Variants in LDLRAD4 observed in about 807,000 individuals in gnomAD.
LDLRAD4 encodes low-density lipoprotein receptor class A domain-containing protein 4.
In LDLRAD4, 5 loss-of-function variants were observed where a neutral mutation model predicts 17.0. That is an observed-to-expected ratio of 0.29 (90% confidence interval 0.15 to 0.62). The LOEUF (loss-of-function observed/expected upper bound fraction) is 0.62. LDLRAD4 is among the 20% of genes least tolerant of loss of function. The pLI is 0.84. For missense variants in LDLRAD4, 340 were observed against 424.7 expected (o/e 0.80, Z 1.75); for synonymous variants, 168 against 171.8 (o/e 0.98, Z 0.17).
intron 1 of LDLRAD4, among the ~76,000 whole-genome samples, chr18:13,242,998 G>A (rs368427968): frequency 1.6e-4 from 24 of 152,302 alleles, no homozygotes; most frequent in East Asian, 3.9e-4. Context: ...TGCGCCTGGC[G>A]CCTGCTCTGC....
intron 3 of LDLRAD4, among the ~76,000 whole-genome samples, chr18:13,444,444 A>G (rs2091247964): frequency 6.6e-6 from 1 of 152,242 alleles, no homozygotes; most frequent in Non-Finnish European, 1.5e-5. Flanking sequence ...TATGACATAC[A>G]AAATGTGTGT....
At chr18:13,579,007 G>A (rs6505829) in intron 3 of LDLRAD4, among the ~76,000 whole-genome samples, 61,491 of 150,744 alleles carry the variant, frequency 0.41, 12,697 homozygotes, top group South Asian at 0.46. Context: ...TGACTAACAC[G>A]GTGAAACCCC....
At chr18:13,369,526 G>T (rs191866127) in intron 1 of LDLRAD4, among the ~76,000 whole-genome samples, 35 of 152,236 alleles carry the variant, frequency 2.3e-4, no homozygotes, top group African/African-American at 7.9e-4. Context: ...TCCAGTTGGG[G>T]TGGAGGGAGA....
At chr18:13,247,486 C>G (rs1165589480) in intron 1 of LDLRAD4, among the ~76,000 whole-genome samples, 1 of 152,158 alleles carries the variant, frequency 6.6e-6, no homozygotes, top group Non-Finnish European at 1.5e-5. Context: ...CTAACCACTG[C>G]TTTTTATTCT....
intron 4 of LDLRAD4, among the ~76,000 whole-genome samples, chr18:13,634,632 T>C (rs1483713526): frequency 6.6e-6 from 1 of 152,210 alleles, no homozygotes; most frequent in African/African-American, 2.4e-5. Context: ...TTTTAAGATG[T>C]TAGTACTACT....
intron 1 of LDLRAD4, among the ~76,000 whole-genome samples, chr18:13,340,168 A>G (rs1450422887): frequency 1.3e-5 from 2 of 152,190 alleles, no homozygotes; most frequent in Non-Finnish European, 2.9e-5. Flanking sequence ...CCCTTCATCC[A>G]TTGATGAACA....
intron 2 of LDLRAD4, among the ~76,000 whole-genome samples, chr18:13,413,318 T>C (rs527252557): frequency 1.3e-5 from 2 of 152,254 alleles, no homozygotes; most frequent in Non-Finnish European, 2.9e-5. Context: ...CTCACTGACA[T>C]GTAATTGGTC....
At chr18:13,358,569 T>C (rs775203640) in intron 1 of LDLRAD4, among the ~76,000 whole-genome samples, 7 of 152,182 alleles carry the variant, frequency 4.6e-5, no homozygotes, top group Non-Finnish European at 8.8e-5. Flanking sequence ...AAATTTATCC[T>C]ATTTATCCCT....
At chr18:13,637,241 G>C (rs1298886165) in intron 4 of LDLRAD4, among the ~76,000 whole-genome samples, 1 of 152,080 alleles carries the variant, frequency 6.6e-6, no homozygotes, top group African/African-American at 2.4e-5. Context: ...GACTGCCTCG[G>C]TGGGAAGCTG....
At chr18:13,647,915 C>T (rs1288650251) in exon 6 of LDLRAD4, 3 of 152,242 alleles carry the variant, frequency 2.0e-5, no homozygotes, top group Non-Finnish European at 2.9e-5. Flanking sequence ...GGACCCTCCC[C>T]AACCCTGGAG....
chr18:13,352,604 G>C (rs1022903604), intron 1 of LDLRAD4, among the ~76,000 whole-genome samples: 5 of 151,888 alleles, frequency 3.3e-5, no homozygotes, highest in African/African-American at 1.2e-4. Flanking sequence ...TAAATTTCTC[G>C]GATTTGTCAA....
intron 3 of LDLRAD4, among the ~76,000 whole-genome samples, chr18:13,449,002 C>T (rs988378067): frequency 1.2e-4 from 19 of 152,146 alleles, no homozygotes. Context: ...TTTTTTCACT[C>T]CTTCATCCAT....
chr18:13,229,920 A>G lies in LDLRAD4; in HGVS notation c.-467+10932A>G, dbSNP rs752374791. ...TGTCTCCTGGCTTCCTGAGGGCTCA[A>G]TGTACTTTGGTCAATCAAGGGAGAC... On this transcript the variant is annotated intron_variant, in intron 1 of 5. Transcript: ENST00000399848. Among the ~76,000 whole-genome samples the G allele has an allele frequency of 9.9e-4, 151 of 152,334 alleles. 1 individual carries two copies. Among genetic ancestry groups the G allele is most frequent in the Non-Finnish European group, 7.6e-4 (52 of 68,030 alleles).
At chr18:13,492,399 G>C (rs537799940) in intron 3 of LDLRAD4, among the ~76,000 whole-genome samples, 1 of 152,358 alleles carries the variant, frequency 6.6e-6, no homozygotes, top group South Asian at 2.1e-4. Flanking sequence ...TAATCCGGTG[G>C]AGTGGCTGCA....
chr18:13,288,300 C>G (rs1485725909), intron 1 of LDLRAD4, among the ~76,000 whole-genome samples: 2 of 152,202 alleles, frequency 1.3e-5, no homozygotes, highest in Non-Finnish European at 2.9e-5. Flanking sequence ...CTTCCATTAG[C>G]TTAGCCAAAA....
chr18:13,546,009 A>G lies in LDLRAD4; in HGVS notation c.182-75108A>G, dbSNP rs138393411. Among the ~76,000 whole-genome samples, 1,115 of 152,332 alleles carry G rather than the reference A, an allele frequency of 7.3e-3. 6 individuals carry two copies. The highest frequency in any genetic ancestry group is 0.012 in the Non-Finnish European group (828 of 68,034). On this transcript the variant is annotated intron_variant, in intron 3 of 5. Transcript: ENST00000359446. ...GCAGTGTTCATAACTGTGGGATCAC[A>G]GGCCCATTACCTTCCCCCTCTGGAC... is the stretch of plus-strand genomic sequence containing the variant.
At chr18:13,505,150 G>A (rs144460092) in intron 3 of LDLRAD4, among the ~76,000 whole-genome samples, 240 of 152,294 alleles carry the variant, frequency 1.6e-3, no homozygotes, top group African/African-American at 5.6e-3. Flanking sequence ...AATTCCCCTA[G>A]GCAGTAGGAG....
chr18:13,259,314 A>G (rs1598947802), intron 1 of LDLRAD4, among the ~76,000 whole-genome samples: 1 of 152,246 alleles, frequency 6.6e-6, no homozygotes, highest in African/African-American at 2.4e-5. Context: ...CACTGGGACT[A>G]CAGACACACA....
intron 3 of LDLRAD4, chr18:13,470,897 G>C (rs2092753521): frequency 6.6e-6 from 1 of 151,908 alleles, no homozygotes; most frequent in South Asian, 2.1e-4. Flanking sequence ...ATGCCTAGCA[G>C]GGGTCTTTGT....
Sources: gnomAD v4.1 joint callset for allele counts (sites outside exome capture counted in the v4.1 genomes callset) on GRCh38, gnomAD v4.1.1 for gene constraint, MANE v1.5 for transcripts, NCBI Gene and HGNC (gene_info 2026-07-23, HGNC 2026-07-21) for gene names.